MYOM1: variants seen among roughly 807,000 people sequenced by gnomAD.
The protein encoded by MYOM1 is myomesin 1.
Under a neutral mutation model 205.3 loss-of-function variants are expected in MYOM1, and 164 were observed. The ratio of observed to expected loss-of-function variants is 0.80; its 90% CI spans 0.70 to 0.91. MYOM1 has a LOEUF of 0.91. MYOM1 is among the 40% of genes least tolerant of loss of function. MYOM1 has a pLI of 0.00. For synonymous variants in MYOM1, 772 were observed against 789.4 expected (o/e 0.98, Z 0.37); for missense variants, 2,011 against 2,127.3 (o/e 0.95, Z 1.08).
chr18:3,124,773 T>C (rs935772499), intron 19 of MYOM1, among the ~76,000 whole-genome samples: 5 of 152,162 alleles, frequency 3.3e-5, no homozygotes, highest in Admixed American at 6.5e-5. Flanking sequence ...TTTTAGAATG[T>C]AATCAACTAC....
chr18:3,141,832 T>A (rs2080053613), intron 14 of MYOM1, 107 bp downstream of exon 14: 2 of 1,375,776 alleles, frequency 1.5e-6, no homozygotes, highest in Admixed American at 3.4e-5. Context: ...GATCAGGACA[T>A]GCTCCCTCCT....
chr18:3,173,629 T>A (rs1436723795), intron 8 of MYOM1, among the ~76,000 whole-genome samples: 2 of 151,240 alleles, frequency 1.3e-5, no homozygotes, highest in African/African-American at 2.4e-5. Flanking sequence ...TTTGGTTAAG[T>A]CGTTCTGCCC....
rs1284935229 is a variant in MYOM1 at position 3,186,038 on chromosome 18, A to G, written c.929+1442T>C. On this transcript the variant is annotated intron_variant, in intron 5 of 37. Coordinates refer to ENST00000356443, the MANE Select transcript of MYOM1 (RefSeq NM_003803.4). ...CGGCAAAACCCCGTCTCTACTGAAA[A>G]TACAAAAATCAGCCAGGTGTGGTGG... Among the ~76,000 whole-genome samples the G allele has an allele frequency of 7.9e-5, 12 of 152,234 alleles. No homozygotes were observed. In the East Asian group the frequency reaches 2.1e-3, roughly 27 times the overall value.
chr18:3,155,423 A>G (rs577698229), intron 10 of MYOM1, among the ~76,000 whole-genome samples: 2 of 152,096 alleles, frequency 1.3e-5, no homozygotes, highest in Non-Finnish European at 2.9e-5. Flanking sequence ...ATGGGGTTTC[A>G]CCGTGTTAGC....
chr18:3,226,473 G>A, the MYOM1 span, among the ~76,000 whole-genome samples: 296 of 152,048 alleles, frequency 1.9e-3, 1 homozygote, highest in Admixed American at 4.1e-3. The surrounding 1 kb of genome is among the most constrained non-coding windows in gnomAD (Gnocchi z 4.6). Flanking sequence ...TTTCAACCAC[G>A]GGTAATTCCT....
intron 2 of MYOM1, among the ~76,000 whole-genome samples, chr18:3,212,270 G>C (rs542021293): frequency 6.6e-6 from 1 of 152,216 alleles, no homozygotes; most frequent in Admixed American, 6.5e-5. Context: ...TATATACATA[G>C]TAGGAAGGAA....
At chr18:3,108,868 C>G (rs975117755) in intron 22 of MYOM1, among the ~76,000 whole-genome samples, 1 of 151,972 alleles carries the variant, frequency 6.6e-6, no homozygotes, top group Non-Finnish European at 1.5e-5. Flanking sequence ...TTCTAACATG[C>G]CCCAGGCTAA....
chr18:3,156,811 G>A lies in MYOM1; in HGVS notation c.1502-1723C>T, dbSNP rs190542245. 2.5e-3 allele frequency among the ~76,000 whole-genome samples: 374 copies of A among 152,082 alleles called. 1 individual carries two copies. Among genetic ancestry groups the A allele is most frequent in the African/African-American group, 7.4e-3 (306 of 41,504 alleles). On this transcript the variant is annotated intron_variant, in intron 10 of 37. Transcript: ENST00000356443. ...TTTTTAGTAGAGATGGGGATTCACCGTATTAGCCAGGATGGTCTCGAACTC... is the reference window on the plus strand; with the variant it reads ...TTTTTAGTAGAGATGGGGATTCACCATATTAGCCAGGATGGTCTCGAACTC...
At chr18:3,161,205 G>A (rs2080386274) in intron 10 of MYOM1, among the ~76,000 whole-genome samples, 1 of 152,200 alleles carries the variant, frequency 6.6e-6, no homozygotes, top group African/African-American at 2.4e-5. Context: ...TTTTCATGAT[G>A]CCTTTGTGGT....
Position 3,219,073 on chromosome 18 carries a change from G to T in MYOM1, c.-29+730C>A, listed in dbSNP as rs541437636. 3.3e-5 allele frequency among the ~76,000 whole-genome samples: 5 copies of T among 152,256 alleles called. No homozygotes were observed. Among genetic ancestry groups the T allele is most frequent in the African/African-American group, 9.6e-5 (4 of 41,546 alleles). ...TTAGCTCCAACACATGACGGCTGGA[G>T]TACGTTGGGAGGAAAGATGGTTTTA... is the stretch of plus-strand genomic sequence containing the variant. On this transcript the variant is annotated intron_variant, in intron 1 of 37. Coordinates refer to ENST00000356443, the MANE Select transcript of MYOM1 (RefSeq NM_003803.4). This position sits in a 1 kb window ranked among gnomAD's most constrained non-coding sequence, Gnocchi z 4.4.
intron 5 of MYOM1, among the ~76,000 whole-genome samples, chr18:3,186,941 A>G (rs2080825396): frequency 6.6e-6 from 1 of 151,888 alleles, no homozygotes; most frequent in Non-Finnish European, 1.5e-5. Context: ...AGAAAGAAAA[A>G]AGGAAAAGAG....
intron 30 of MYOM1, among the ~76,000 whole-genome samples, 183 bp from the exon 31 acceptor site, chr18:3,085,315 G>T (rs1406190791): frequency 8.4e-6 from 1 of 119,510 alleles, no homozygotes; most frequent in African/African-American, 3.2e-5. Flanking sequence ...GAGTGCAGAT[G>T]TGTGATTATA....
chr18:3,112,906 T>G (rs1229763349), intron 21 of MYOM1, among the ~76,000 whole-genome samples: 1 of 152,192 alleles, frequency 6.6e-6, no homozygotes, highest in Admixed American at 6.5e-5. Context: ...TTTAAAAGCA[T>G]GTTAAACTAC....
intron 5 of MYOM1, among the ~76,000 whole-genome samples, chr18:3,183,462 C>T (rs1414661878): frequency 1.3e-5 from 2 of 152,084 alleles, no homozygotes; most frequent in Non-Finnish European, 2.9e-5. Context: ...TTTGTTAGGC[C>T]TCAGGAACTC....
Position 3,155,065 on chromosome 18 carries a change from C to A in MYOM1, c.1525G>T (p.Ala509Ser), listed in dbSNP as rs748712491. Reference protein sequence around the residue: ...VRDADAEIEGAPAAPLDVKCL... With the variant: ...VRDADAEIEGSPAAPLDVKCL... ...TTCACATCCAAGGGAGCAGCTGGGG[C>A]TCCTTCAATCTCTGCATCAGCATCT... Residue 509 changes from alanine (A) to serine (S), a missense_variant, in exon 11 of 38, where the codon GCC (alanine) becomes TCC (serine). Ala to Ser is a moderately conservative substitution (Grantham distance 99). Coordinates refer to ENST00000356443, the MANE Select transcript of MYOM1 (RefSeq NM_003803.4). The A allele has an allele frequency of 2.5e-6, 4 of 1,612,520 alleles. No homozygotes were observed. Among genetic ancestry groups the A allele is most frequent in the African/African-American group, 1.3e-5 (1 of 75,052 alleles).
chr18:3,227,632 C>G, the MYOM1 span, among the ~76,000 whole-genome samples: 1 of 152,102 alleles, frequency 6.6e-6, no homozygotes, highest in Admixed American at 6.5e-5. Flanking sequence ...GCCTGGCCAA[C>G]ATGGTGAAAC....
intron 1 of MYOM1, among the ~76,000 whole-genome samples, chr18:3,217,576 T>C (rs1299414615): frequency 1.3e-5 from 2 of 152,086 alleles, no homozygotes; most frequent in Admixed American, 6.6e-5. Context: ...GATGCAGATA[T>C]ACATTTGGGA....
rs764706590 is a variant in MYOM1, at chr18:3,188,874, C to T, written c.645G>A (p.Thr215=). 7 of 1,609,238 alleles carry T rather than the reference C, an allele frequency of 4.3e-6. No individual in the cohort carries two copies. The highest frequency in any genetic ancestry group is 1.7e-5 in the Admixed American group (1 of 59,880). Residue 215 remains threonine (T), a synonymous_variant, in exon 4 of 38, where the codon ACG becomes ACA. Coordinates refer to ENST00000356443, the MANE Select transcript of MYOM1 (RefSeq NM_003803.4). ...TGGAAACCACAGACTGCCTGGATGCCGTGGACTGCCTGGATGCCGTGGACT... is the reference window on the plus strand; with the variant it reads ...TGGAAACCACAGACTGCCTGGATGCTGTGGACTGCCTGGATGCCGTGGACT... ...SKQSTASRQS[T]ASRQSVVSKQ...
the MYOM1 span, among the ~76,000 whole-genome samples, chr18:3,227,975 G>A: frequency 0.17 from 5 of 30 alleles, no homozygotes; most frequent in South Asian, 0.5. Context: ...TTTAAAAAAA[G>A]GAACGCAGGA....
Sources: allele counts gnomAD v4.1 joint callset (sites outside exome capture counted in the v4.1 genomes callset), GRCh38; gene constraint gnomAD v4.1.1; non-coding constraint Gnocchi (gnomAD v3.1); transcripts MANE v1.5; gene names NCBI Gene and HGNC (gene_info 2026-07-23, HGNC 2026-07-21).